FGF14: variants seen among roughly 807,000 people sequenced by gnomAD.
FGF14 encodes the protein fibroblast growth factor 14.
FGF14 carries 5 observed loss-of-function variants against 25.5 expected under a neutral mutation model. The ratio of observed to expected loss-of-function variants is 0.20; its 90% CI spans 0.10 to 0.41. The LOEUF is 0.41. FGF14 is among the 10% of genes least tolerant of loss of function. FGF14 has a pLI of 1.00. For missense variants in FGF14, 222 were observed against 320.1 expected, an observed-to-expected ratio of 0.69 and a Z score of 2.34; for synonymous variants, 138 against 118.3, an observed-to-expected ratio of 1.17 and a Z score of -1.08.
chr13:101,968,853 C>CT, intron 1 of FGF14, among the ~76,000 whole-genome samples: 2 of 90,782 alleles, frequency 2.2e-5, no homozygotes, highest in South Asian at 3.6e-4. Context: ...CCATCAACAG[C>CT]CTTTTTTTTT....
chr13:102,248,726 C>T (rs1267903609), intron 1 of FGF14, among the ~76,000 whole-genome samples: 1 of 152,158 alleles, frequency 6.6e-6, no homozygotes, highest in African/African-American at 2.4e-5. Context: ...AGGACGGCTT[C>T]AGGTGAAATA....
At chr13:102,193,540 A>G (rs2049211951) in intron 1 of FGF14, among the ~76,000 whole-genome samples, 1 of 152,200 alleles carries the variant, frequency 6.6e-6, no homozygotes, top group South Asian at 2.1e-4. Flanking sequence ...ATTAATGGTA[A>G]CAGAGTTTTC....
chr13:102,140,560 T>C (rs1472603246), intron 1 of FGF14, among the ~76,000 whole-genome samples: 1 of 152,172 alleles, frequency 6.6e-6, no homozygotes, highest in Non-Finnish European at 1.5e-5. Context: ...GTGCATGTGA[T>C]TTATCATTAC....
At chr13:102,181,956 T>C (rs992062128) in intron 1 of FGF14, among the ~76,000 whole-genome samples, 1 of 152,158 alleles carries the variant, frequency 6.6e-6, no homozygotes, top group African/African-American at 2.4e-5. Context: ...TGCTGAAACC[T>C]TGATTTCTGA....
intron 3 of FGF14, 62 bp from the exon 4 acceptor site, chr13:101,726,872 C>T: frequency 1.6e-6 from 2 of 1,286,692 alleles, no homozygotes; most frequent in Non-Finnish European, 2.2e-6. Context: ...GTACATTCTA[C>T]TCATTCTCTA....
At chr13:101,779,713 A>G (rs1324646347) in intron 3 of FGF14, among the ~76,000 whole-genome samples, 4 of 152,180 alleles carry the variant, frequency 2.6e-5, no homozygotes, top group African/African-American at 9.7e-5. Flanking sequence ...GAACACTATC[A>G]TTATTATCTT....
At chr13:101,869,622 A>G (rs188248932) in intron 2 of FGF14, among the ~76,000 whole-genome samples, 1 of 152,306 alleles carries the variant, frequency 6.6e-6, no homozygotes. Context: ...ATTTTATTAT[A>G]GATACATTTG....
chr13:101,936,549 T>G (rs2035118764), intron 1 of FGF14, among the ~76,000 whole-genome samples: 3 of 152,184 alleles, frequency 2.0e-5, no homozygotes, highest in Admixed American at 2.0e-4. Flanking sequence ...TTTCAACAGT[T>G]TGTGGGGATC....
At chr13:101,803,204 T>C (rs1297562447) in intron 3 of FGF14, among the ~76,000 whole-genome samples, 2 of 151,318 alleles carry the variant, frequency 1.3e-5, no homozygotes, top group African/African-American at 4.9e-5. Flanking sequence ...TCACAGTTCA[T>C]TGCAGCCTCA....
rs2034771092 is a variant in FGF14, at chr13:101,717,539, T to A, written c.*5292A>T. ...ATTCGCTGATGCACAGACATTGGAATTCATTACATTATCTAGCCATCGTAA... is the reference window on the plus strand; with the variant it reads ...ATTCGCTGATGCACAGACATTGGAAATCATTACATTATCTAGCCATCGTAA... On this transcript the variant is annotated 3_prime_UTR_variant, in exon 5 of 5. Transcript: ENST00000376143. 6.6e-6 allele frequency: 1 copy of A among 152,176 alleles called. No homozygotes were observed. Among genetic ancestry groups the A allele is most frequent in the South Asian group, 2.1e-4 (1 of 4,834 alleles). The allele number at this position is 152,176 out of a possible 1,614,324, so 9.4% of individuals were successfully genotyped here.
chr13:102,068,947 G>T (rs746861047), intron 1 of FGF14, among the ~76,000 whole-genome samples: 1 of 152,210 alleles, frequency 6.6e-6, no homozygotes, highest in Non-Finnish European at 1.5e-5. Flanking sequence ...TGATCTGGTG[G>T]GGACGTGGAG....
At chr13:102,167,411 A>T (rs754242554) in intron 1 of FGF14, among the ~76,000 whole-genome samples, 1 of 152,022 alleles carries the variant, frequency 6.6e-6, no homozygotes, top group Non-Finnish European at 1.5e-5. Context: ...TTTTAATTAA[A>T]GCATAAGATT....
intron 1 of FGF14, among the ~76,000 whole-genome samples, chr13:102,313,424 G>A (rs1034416823): frequency 5.3e-5 from 8 of 152,124 alleles, no homozygotes; most frequent in Non-Finnish European, 8.8e-5. Context: ...TTGGAGCCAG[G>A]GAAGGGCACT....
chr13:102,276,378 T>TAC (rs1214137806), intron 1 of FGF14, among the ~76,000 whole-genome samples: 2 of 98,294 alleles, frequency 2.0e-5, no homozygotes, highest in Non-Finnish European at 4.4e-5. Context: ...TATATATATA[T>TAC]ATACACATTA....
At chr13:102,085,217 T>C (rs976493922) in intron 1 of FGF14, among the ~76,000 whole-genome samples, 4 of 151,656 alleles carry the variant, frequency 2.6e-5, no homozygotes, top group African/African-American at 9.7e-5. Context: ...TTTCCTTTTT[T>C]CCCCCACCTC....
chr13:102,315,428 C>A (rs1427910790), intron 1 of FGF14, among the ~76,000 whole-genome samples: 1 of 152,084 alleles, frequency 6.6e-6, no homozygotes, highest in East Asian at 1.9e-4. Flanking sequence ...TAGGCAATGC[C>A]TGTAACATTT....
At chr13:102,381,210 A>C (rs2058175585) in intron 1 of FGF14, among the ~76,000 whole-genome samples, 2 of 152,360 alleles carry the variant, frequency 1.3e-5, no homozygotes, top group Middle Eastern at 3.4e-3. Context: ...AACCATTCTA[A>C]GTCAGCAACC....
chr13:101,820,458 T>G (rs1177882211), intron 3 of FGF14, among the ~76,000 whole-genome samples: 4 of 152,262 alleles, frequency 2.6e-5, no homozygotes, highest in African/African-American at 9.6e-5. Flanking sequence ...AGACTAGCCT[T>G]TACATTCAGG....
At chr13:101,812,305 C>G (rs1410732410) in intron 3 of FGF14, among the ~76,000 whole-genome samples, 1 of 151,880 alleles carries the variant, frequency 6.6e-6, no homozygotes, top group East Asian at 1.9e-4. Context: ...CATAGACTCC[C>G]AAGTTGTGAA....
Sources: allele counts gnomAD v4.1 joint callset (sites outside exome capture counted in the v4.1 genomes callset), GRCh38; gene constraint gnomAD v4.1.1; transcripts MANE v1.5; gene names NCBI Gene and HGNC (gene_info 2026-07-23, HGNC 2026-07-21).